The following SRRM1 variants were observed in gnomAD, a reference collection of about 807,000 sequenced individuals.
The protein encoded by SRRM1 is serine and arginine repetitive matrix 1.
A neutral mutation model predicts 110.2 loss-of-function variants in SRRM1; 19 were observed. That is an observed-to-expected ratio of 0.17 (90% CI 0.12 to 0.25). SRRM1 has a LOEUF of 0.25. Among genes scored for constraint, SRRM1 ranks in the 10% least tolerant of loss-of-function variants. The pLI is 1.00. For synonymous variants in SRRM1, 443 were observed against 414.9 expected (o/e 1.07, Z -0.82); for missense variants, 918 against 1,145.8 (o/e 0.80, Z 2.87).
Position 24,652,429 on chromosome 1 carries a change from C to T in SRRM1, c.726-5C>T. On this transcript the variant is annotated splice_polypyrimidine_tract_variant and splice_region_variant and intron_variant, in intron 6 of 16. Transcript: ENST00000323848. ...AAAAAAAAAAAAAAGCTTTTGTTTC[C>T]ACAGTGACATTCTGAAAGTTCCCAA... 6.7e-7 allele frequency: 1 copy of T among 1,498,164 alleles called. No individual in the cohort carries two copies. Among genetic ancestry groups the T allele is most frequent in the Non-Finnish European group, 8.9e-7 (1 of 1,118,076 alleles). 92.8% of individuals were successfully genotyped at this position (1,498,164 alleles called of 1,614,324 possible).
intron 13 of SRRM1, among the ~76,000 whole-genome samples, chr1:24,668,044 T>G (rs1670932008): frequency 7.4e-6 from 1 of 134,506 alleles, no homozygotes; most frequent in Non-Finnish European, 1.5e-5. Context: ...CGATCTCAGC[T>G]CACTGTAACC....
intron 5 of SRRM1, 144 bp from the exon 6 acceptor site, chr1:24,651,265 T>A: frequency 1.5e-6 from 1 of 645,548 alleles, no homozygotes; most frequent in South Asian, 2.1e-5. Flanking sequence ...TCAAGTAGAT[T>A]AGGTTAGCAT....
chr1:24,671,611 G>C lies in SRRM1; in HGVS notation c.2610+16G>C, dbSNP rs1434411237. On this transcript the variant is annotated intron_variant, in intron 16 of 16. Coordinates refer to ENST00000323848, the MANE Select transcript of SRRM1 (RefSeq NM_005839.4). ...GCCGAAGAAGGTATTTATGAACTCTGTATATGGCTGTCTTGCAGTTTACGT... is the reference window on the plus strand; with the variant it reads ...GCCGAAGAAGGTATTTATGAACTCTCTATATGGCTGTCTTGCAGTTTACGT... 1 of 1,559,130 alleles carries C rather than the reference G, an allele frequency of 6.4e-7. No homozygotes were observed. The highest frequency in any genetic ancestry group is 8.6e-7 in the Non-Finnish European group (1 of 1,156,242).
intron 10 of SRRM1, chr1:24,661,093 C>CCT: frequency 1.8e-6 from 1 of 545,554 alleles, no homozygotes; most frequent in Non-Finnish European, 3.3e-6. Context: ...ACCAGCCTGA[C>CCT]CTGTAGTAAA....
chr1:24,662,546 C>T (rs1387790352), intron 11 of SRRM1, 114 bp from the exon 12 acceptor site: 1 of 868,980 alleles, frequency 1.2e-6, no homozygotes, highest in South Asian at 1.7e-5. Flanking sequence ...GAACTGATGG[C>T]CTGTATACAT....
At chr1:24,645,677 G>A (rs890362250) in intron 1 of SRRM1, among the ~76,000 whole-genome samples, 1 of 152,192 alleles carries the variant, frequency 6.6e-6, no homozygotes, top group African/African-American at 2.4e-5. Flanking sequence ...GTATCTATTA[G>A]CATAGGAAAA....
chr1:24,649,167 G>A (rs1392363986), intron 4 of SRRM1, 138 bp downstream of exon 4: 45 of 673,798 alleles, frequency 6.7e-5, no homozygotes, highest in Middle Eastern at 4.0e-4. Context: ...TTCAGTTTTG[G>A]TTCACTGCTC....
chr1:24,669,739 T>G (rs1211052069), intron 14 of SRRM1, 152 bp downstream of exon 14: 4 of 688,194 alleles, frequency 5.8e-6, no homozygotes, highest in East Asian at 2.8e-5. Context: ...TTCCATTTTT[T>G]GGGATAGTTT....
rs1033833674 is a variant in SRRM1, at chr1:24,652,613, A to G, written c.905A>G (p.His302Arg). The change falls in exon 7 of 17, where the codon CAT (histidine) becomes CGT (arginine). Residue 302 changes from histidine (H) to arginine (R), a missense_variant. His to Arg is a conservative substitution (Grantham distance 29). Transcript: ENST00000323848. ...SPSHTRPRRR[H>R]RSRSRSYSPR... Reference sequence around the variant, plus strand: ...TCTCACACTCGACCTAGACGGCGCCATAGATCCCGATCAAGGTGAGTTGTG... The same window carrying G: ...TCTCACACTCGACCTAGACGGCGCCGTAGATCCCGATCAAGGTGAGTTGTG... 6.2e-7 allele frequency: 1 copy of G among 1,603,862 alleles called. No homozygotes were observed. The highest frequency in any genetic ancestry group is 8.5e-7 in the Non-Finnish European group (1 of 1,176,890).
intron 1 of SRRM1, chr1:24,643,680 T>C (rs1052300964): frequency 7.6e-5 from 26 of 340,774 alleles, no homozygotes; most frequent in Middle Eastern, 7.5e-4. Context: ...TCCTGGGGCC[T>C]AGCGGAGCCG....
chr1:24,664,999 G>C (rs561989469), intron 12 of SRRM1, among the ~76,000 whole-genome samples: 1 of 151,292 alleles, frequency 6.6e-6, no homozygotes, highest in Non-Finnish European at 1.5e-5. Context: ...TTTGTTTCTC[G>C]TCATTTAAAA....
In SRRM1 at chr1:24,670,105, T is replaced by G; in HGVS notation, c.2205-15T>G. On this transcript the variant is annotated splice_polypyrimidine_tract_variant and intron_variant, in intron 14 of 16. Coordinates refer to ENST00000323848, the MANE Select transcript of SRRM1 (RefSeq NM_005839.4). ...GGCTGTTCTCAATGCTGAATGTTTT[T>G]TCCTTTTTGTCTAGGGCTGCTTCCC... The G allele has an allele frequency of 1.3e-6, 2 of 1,540,696 alleles. No individual in the cohort carries two copies. Among genetic ancestry groups the G allele is most frequent in the Non-Finnish European group, 1.7e-6 (2 of 1,146,404 alleles).
At chr1:24,667,593 A>G (rs538666612) in intron 13 of SRRM1, among the ~76,000 whole-genome samples, 1 of 152,364 alleles carries the variant, frequency 6.6e-6, no homozygotes, top group African/African-American at 2.4e-5. Context: ...TTTACAGAAT[A>G]CCTGACCAGT....
intron 9 of SRRM1, among the ~76,000 whole-genome samples, chr1:24,657,946 A>C (rs1384703067): frequency 6.6e-6 from 1 of 152,174 alleles, no homozygotes; most frequent in Non-Finnish European, 1.5e-5. Flanking sequence ...TCTTTTGGGC[A>C]GGTCTAAGAT....
At chr1:24,661,160 G>T in intron 10 of SRRM1, 150 bp from the exon 11 acceptor site, 1 of 580,726 alleles carries the variant, frequency 1.7e-6, no homozygotes. Flanking sequence ...CCTGTGAATT[G>T]GCATTTTAAA....
At chr1:24,655,212 A>C in intron 9 of SRRM1, 83 bp downstream of exon 9, 3 of 1,422,162 alleles carry the variant, frequency 2.1e-6, no homozygotes, top group Non-Finnish European at 1.9e-6. Context: ...GCTCACTCTC[A>C]AAGTATGAAA....
Position 24,669,325 on chromosome 1 carries a change from G to A in SRRM1, c.1942G>A (p.Val648Ile). ...SPPPKQRSSP[V>I]TKRRSPSLSS... ...ACCTCCCAAACAAAGAAGCTCCCCAGTCACCAAGAGACGTTCACCTTCATT... is the reference window on the plus strand; with the variant it reads ...ACCTCCCAAACAAAGAAGCTCCCCAATCACCAAGAGACGTTCACCTTCATT... Residue 648 changes from valine to isoleucine, a missense_variant, in exon 14 of 17, where the codon GTC becomes ATC. This residue lies in a region of SRRM1 where 357 missense variants were observed against 402.9 expected (regional missense o/e 0.89). Coordinates refer to ENST00000323848, the MANE Select transcript of SRRM1 (RefSeq NM_005839.4). 1.2e-6 allele frequency: 2 copies of A among 1,614,094 alleles called. No homozygotes were observed. Among genetic ancestry groups the A allele is most frequent in the East Asian group, 2.2e-5 (1 of 44,876 alleles).
Position 24,654,839 on chromosome 1 carries a change from A to G in SRRM1, c.1041-16A>G, listed in dbSNP as rs1663087355. 2 of 1,613,684 alleles carry G rather than the reference A, an allele frequency of 1.2e-6. No homozygotes were observed. Among genetic ancestry groups the G allele is most frequent in the Non-Finnish European group, 1.7e-6 (2 of 1,179,674 alleles). On this transcript the variant is annotated splice_polypyrimidine_tract_variant and intron_variant, in intron 8 of 16. Coordinates refer to ENST00000323848, the MANE Select transcript of SRRM1 (RefSeq NM_005839.4). ...ATAAGTGTGCAATTAGTGAATATGAATACTTTATTCCACAGAAGAAGACGT... is the reference window on the plus strand; with the variant it reads ...ATAAGTGTGCAATTAGTGAATATGAGTACTTTATTCCACAGAAGAAGACGT...
intron 2 of SRRM1, 102 bp from the exon 3 acceptor site, chr1:24,646,564 CA>C (rs1190740385): frequency 4.4e-6 from 4 of 916,418 alleles, no homozygotes; most frequent in Admixed American, 3.0e-5. Flanking sequence ...CTATGCCAAA[CA>C]AAAAAACTAA....
Sources: gnomAD v4.1 joint callset for allele counts (sites outside exome capture counted in the v4.1 genomes callset) on GRCh38, gnomAD v4.1.1 for gene constraint, gnomAD v4.1.1 regional missense constraint, MANE v1.5 for transcripts, NCBI Gene and HGNC (gene_info 2026-07-23, HGNC 2026-07-21) for gene names.